The following FCHO2 variants were observed in gnomAD, a reference collection of about 807,000 sequenced individuals.
FCHO2 encodes the protein FCH and mu domain containing endocytic adaptor 2.
Under a neutral mutation model 114.1 loss-of-function variants are expected in FCHO2, and 43 were observed. The ratio of observed to expected loss-of-function variants is 0.38; its 90% CI spans 0.30 to 0.49. The LOEUF is 0.49. Among genes scored for constraint, FCHO2 ranks in the 20% least tolerant of loss-of-function variants. The pLI is 0.97. For missense variants in FCHO2, 807 were observed against 950.4 expected, an observed-to-expected ratio of 0.85 and a Z score of 1.98; for synonymous variants, 293 against 315.2, an observed-to-expected ratio of 0.93 and a Z score of 0.75.
intron 17 of FCHO2, among the ~76,000 whole-genome samples, chr5:73,061,913 A>G (rs1480856630): frequency 6.6e-6 from 1 of 152,052 alleles, no homozygotes; most frequent in Non-Finnish European, 1.5e-5. Context: ...TGCTGCTGCT[A>G]TTTCTTCTAC....
chr5:73,085,658 C>CCAGTTACT (rs907214690), intron 24 of FCHO2, among the ~76,000 whole-genome samples: 7 of 151,430 alleles, frequency 4.6e-5, no homozygotes, highest in Non-Finnish European at 1.0e-4. Flanking sequence ...GCCTGTAGTC[C>CCAGTTACT]CAGTTACTCA....
chr5:72,985,259 C>T (rs927545160), intron 2 of FCHO2, among the ~76,000 whole-genome samples: 1 of 151,970 alleles, frequency 6.6e-6, no homozygotes, highest in African/African-American at 2.4e-5. Context: ...CTCCCAGGTT[C>T]AAGTGATTCT....
At chr5:72,956,798 C>G (rs563633448) in intron 1 of FCHO2, among the ~76,000 whole-genome samples, 4 of 152,132 alleles carry the variant, frequency 2.6e-5, no homozygotes, top group Non-Finnish European at 5.9e-5. Context: ...TGTGCTCCTT[C>G]CCCTTCCTCA....
chr5:73,033,551 A>G (rs940696002), intron 8 of FCHO2, among the ~76,000 whole-genome samples: 1 of 152,176 alleles, frequency 6.6e-6, no homozygotes, highest in Admixed American at 6.5e-5. Context: ...CAGAAGAACC[A>G]GTAACAAAAT....
chr5:73,000,504 A>G (rs1270941883), intron 5 of FCHO2, among the ~76,000 whole-genome samples: 1 of 145,486 alleles, frequency 6.9e-6, no homozygotes, highest in Non-Finnish European at 1.5e-5. Context: ...AGCTGGGGGC[A>G]GTGGCTCACG....
At chr5:73,013,592 T>G (rs1289390884) in intron 6 of FCHO2, among the ~76,000 whole-genome samples, 1 of 152,096 alleles carries the variant, frequency 6.6e-6, no homozygotes, top group African/African-American at 2.4e-5. Context: ...AAAACAAAAG[T>G]GTTGTAAGGT....
At chr5:73,003,693 A>G (rs1183138108) in intron 5 of FCHO2, among the ~76,000 whole-genome samples, 1 of 152,144 alleles carries the variant, frequency 6.6e-6, no homozygotes, top group African/African-American at 2.4e-5. Flanking sequence ...TATTAGGAAC[A>G]AGCAAAGAAG....
chr5:73,009,040 C>CT (rs2112721695), intron 6 of FCHO2, among the ~76,000 whole-genome samples: 1 of 152,222 alleles, frequency 6.6e-6, no homozygotes, highest in East Asian at 1.9e-4. Context: ...GGGCCAAGCT[C>CT]TGAGAGACTC....
chr5:73,011,866 C>T (rs755346727), intron 6 of FCHO2, among the ~76,000 whole-genome samples: 5 of 151,568 alleles, frequency 3.3e-5, no homozygotes, highest in South Asian at 2.1e-4. Flanking sequence ...GCTGAGATTG[C>T]GCCACTGCCC....
intron 2 of FCHO2, among the ~76,000 whole-genome samples, chr5:72,980,377 G>A (rs923455289): frequency 6.6e-6 from 1 of 152,078 alleles, no homozygotes; most frequent in African/African-American, 2.4e-5. Flanking sequence ...TATGTGGTCA[G>A]TTTTAGAATA....
At chr5:73,063,451 G>T (rs1757935832) in intron 17 of FCHO2, among the ~76,000 whole-genome samples, 1 of 151,944 alleles carries the variant, frequency 6.6e-6, no homozygotes, top group South Asian at 2.1e-4. Context: ...TATTCTGGAG[G>T]TACAGCTTCA....
chr5:73,085,147 G>A (rs887954396), intron 24 of FCHO2, among the ~76,000 whole-genome samples: 6 of 151,648 alleles, frequency 4.0e-5, no homozygotes, highest in Non-Finnish European at 8.8e-5. Flanking sequence ...TCAAGAGATC[G>A]AGACCATCCT....
chr5:72,979,581 C>T (rs866498328), intron 2 of FCHO2, among the ~76,000 whole-genome samples: 84 of 150,422 alleles, frequency 5.6e-4, no homozygotes, highest in Non-Finnish European at 9.0e-4. Context: ...TTAGTAGAGA[C>T]GGGGTTTCAC....
At chr5:73,021,357 G>A (rs1225805903) in intron 8 of FCHO2, 4 of 372,932 alleles carry the variant, frequency 1.1e-5, no homozygotes, top group Non-Finnish European at 2.1e-5. Flanking sequence ...GGTGAGAAAG[G>A]ATAGGGGTCA....
chr5:73,011,616 A>G (rs1358874222), intron 6 of FCHO2, among the ~76,000 whole-genome samples: 1 of 152,150 alleles, frequency 6.6e-6, no homozygotes, highest in Non-Finnish European at 1.5e-5. Flanking sequence ...GCATGCATAG[A>G]ACTATCATCT....
At position 73,087,605 on chromosome 5, in the gene FCHO2, A is replaced by G; in HGVS notation, c.2262A>G (p.Arg754=). The G allele has an allele frequency of 1.9e-6, 3 of 1,613,754 alleles. No individual in the cohort carries two copies. The highest frequency in any genetic ancestry group is 2.2e-5 in the South Asian group (2 of 91,072). ...TCTTTGTAGGTTCTGGGTCCCTCCG[A>G]GCAAAATTTGATCTTTCAGAAGGAC... ...KSENGGSGSL[R]AKFDLSEGPS... Residue 754 remains arginine (R), a synonymous_variant, in exon 25 of 26, where the codon CGA becomes CGG. Coordinates refer to ENST00000430046, the MANE Select transcript of FCHO2 (RefSeq NM_138782.3).
chr5:73,080,014 A>T (rs1282466878), intron 22 of FCHO2, among the ~76,000 whole-genome samples: 1 of 152,216 alleles, frequency 6.6e-6, no homozygotes, highest in Non-Finnish European at 1.5e-5. Flanking sequence ...GAGATATTTG[A>T]TAAATAAATG....
intron 20 of FCHO2, among the ~76,000 whole-genome samples, chr5:73,075,058 C>T (rs1173744454): frequency 6.6e-6 from 1 of 152,106 alleles, no homozygotes; most frequent in African/African-American, 2.4e-5. Flanking sequence ...AATACTTGAG[C>T]ACCTATTATT....
At chr5:73,026,811 C>T (rs1017856771) in intron 8 of FCHO2, among the ~76,000 whole-genome samples, 1 of 152,020 alleles carries the variant, frequency 6.6e-6, no homozygotes, top group Non-Finnish European at 1.5e-5. Context: ...CATGCCTCAG[C>T]CTCCCAAGCA....
Sources: allele counts gnomAD v4.1 joint callset (sites outside exome capture counted in the v4.1 genomes callset), GRCh38; gene constraint gnomAD v4.1.1; transcripts MANE v1.5; gene names NCBI Gene and HGNC (gene_info 2026-07-23, HGNC 2026-07-21).